The following RBFOX1 variants were observed in gnomAD, a reference collection of about 807,000 sequenced individuals.
The protein encoded by RBFOX1 is RNA binding fox-1 homolog 1, also known as RNA binding protein fox-1 homolog 1.
Under a neutral mutation model 57.7 loss-of-function variants are expected in RBFOX1, and 8 were observed. That is an observed-to-expected ratio of 0.14 (90% CI 0.08 to 0.25). RBFOX1 has a LOEUF of 0.25. Among genes scored for constraint, RBFOX1 ranks in the 10% least tolerant of loss-of-function variants. The pLI is 1.00. For missense variants in RBFOX1, 611 were observed against 548.5 expected (o/e 1.11, Z -1.14); for synonymous variants, 326 against 222.4 (o/e 1.47, Z -4.15).
chr16:7,440,716 G>A (rs1487859218), intron 4 of RBFOX1, among the ~76,000 whole-genome samples: 3 of 152,152 alleles, frequency 2.0e-5, no homozygotes, highest in South Asian at 4.2e-4. Context: ...TCTGTTTAGG[G>A]CTGGGGAGGA....
intron 4 of RBFOX1, among the ~76,000 whole-genome samples, chr16:7,243,417 G>C (rs1353111109): frequency 6.6e-6 from 1 of 152,194 alleles, no homozygotes; most frequent in Admixed American, 6.5e-5. Flanking sequence ...AGATGTGGAA[G>C]AAAGGCATAT....
At chr16:5,630,768 C>T (rs1373328351) in intron 3 of RBFOX1, among the ~76,000 whole-genome samples, 1 of 152,070 alleles carries the variant, frequency 6.6e-6, no homozygotes, top group Non-Finnish European at 1.5e-5. Flanking sequence ...CTAACTCTCG[C>T]CTTGGACTTC....
chr16:7,136,528 G>T (rs904436578), intron 4 of RBFOX1, among the ~76,000 whole-genome samples: 13 of 150,130 alleles, frequency 8.7e-5, no homozygotes, highest in Non-Finnish European at 1.9e-4. Context: ...AACCTCATCC[G>T]CTCGAGTAGC....
At chr16:5,375,220 A>G (rs898091031) in intron 1 of RBFOX1, among the ~76,000 whole-genome samples, 1 of 151,406 alleles carries the variant, frequency 6.6e-6, no homozygotes, top group Non-Finnish European at 1.5e-5. Context: ...ACTCTTGGAG[A>G]GGGGAAGATG....
At chr16:6,885,073 C>G (rs1444484924) in intron 3 of RBFOX1, among the ~76,000 whole-genome samples, 2 of 152,184 alleles carry the variant, frequency 1.3e-5, no homozygotes, top group Admixed American at 1.3e-4. Flanking sequence ...CCTGCAGAAA[C>G]TGATACAGAG....
At chr16:7,302,688 T>G (rs2096062724) in intron 4 of RBFOX1, among the ~76,000 whole-genome samples, 1 of 147,058 alleles carries the variant, frequency 6.8e-6, no homozygotes, top group Non-Finnish European at 1.5e-5. Context: ...ATTAAAAAAA[T>G]ATGGCTACTC....
At chr16:7,350,655 T>C (rs1373386391) in intron 4 of RBFOX1, among the ~76,000 whole-genome samples, 1 of 152,186 alleles carries the variant, frequency 6.6e-6, no homozygotes, top group Non-Finnish European at 1.5e-5. Context: ...ACCAGTACCA[T>C]GTTATCCACG....
At chr16:5,761,776 AGAAT>A (rs1567506694) in intron 3 of RBFOX1, among the ~76,000 whole-genome samples, 2 of 152,178 alleles carry the variant, frequency 1.3e-5, no homozygotes, top group African/African-American at 4.8e-5. Flanking sequence ...AAATGGGTAA[AGAAT>A]AAGCTGAGAT....
Position 6,361,628 on chromosome 16 carries a change from T to TTAAAAAAAAAAAA in RBFOX1, c.-64+44571_-64+44572insTAAAAAAAAAAAA, listed in dbSNP as rs1371587081. ...GGGTGACACATTGAGACTCTGTCTC[T>TTAAAAAAAAAAAA]AAAAAAAAAAAAAAAAATCATGGTC... On this transcript the variant is annotated intron_variant, in intron 2 of 15. Coordinates refer to ENST00000550418, the MANE Select transcript of RBFOX1 (RefSeq NM_018723.4). Among the ~76,000 whole-genome samples, 6 of 127,952 alleles carry TTAAAAAAAAAAAA rather than the reference T, an allele frequency of 4.7e-5. 1 individual carries two copies. The highest frequency in any genetic ancestry group is 1.5e-4 in the African/African-American group (5 of 34,414). The allele number at this position is 127,952 out of a possible 152,430, so 83.9% of individuals were successfully genotyped here.
Position 6,019,057 on chromosome 16 carries a change from G to A in RBFOX1, c.-1062G>A, listed in dbSNP as rs1033076784. 36 of 974,454 alleles carry A rather than the reference G, an allele frequency of 3.7e-5. No individual in the cohort carries two copies. The highest frequency in any genetic ancestry group is 6.2e-5 in the Admixed American group (1 of 16,148). 60.4% of individuals were successfully genotyped at this position (974,454 alleles called of 1,614,324 possible). On this transcript the variant is annotated 5_prime_UTR_variant, in exon 1 of 16. Coordinates refer to ENST00000550418, the MANE Select transcript of RBFOX1 (RefSeq NM_018723.4). The surrounding 1 kb of genome is among the most constrained non-coding windows in gnomAD (Gnocchi z 4.2). ...TTTGGCTCCGCAGCCGGGGCTGCTC[G>A]CTGCTTGTCGCGCGCTCACACACAC...
At chr16:7,120,512 G>A (rs1276656160) in intron 4 of RBFOX1, among the ~76,000 whole-genome samples, 11 of 151,822 alleles carry the variant, frequency 7.2e-5, no homozygotes, top group Non-Finnish European at 1.6e-4. Flanking sequence ...AATAATCTAT[G>A]CACATGTAGT....
chr16:6,655,373 C>CAA (rs71406388), intron 3 of RBFOX1, among the ~76,000 whole-genome samples: 452 of 33,718 alleles, frequency 0.013, 54 homozygotes, highest in Non-Finnish European at 0.018. Context: ...GCCTCCGTTT[C>CAA]AAAAAAAAAA....
At chr16:7,047,716 C>CTTTTTTTTTTTTTTTTTTTTTT (rs55636828) in intron 3 of RBFOX1, among the ~76,000 whole-genome samples, 4 of 47,938 alleles carry the variant, frequency 8.3e-5, no homozygotes, top group Non-Finnish European at 1.4e-4. Context: ...TCCTGCATTT[C>CTTTTTTTTTTTTTTTTTTTTTT]TTTTTTTTTT....
chr16:5,705,061 A>G (rs1472822488), intron 3 of RBFOX1, among the ~76,000 whole-genome samples: 1 of 152,152 alleles, frequency 6.6e-6, no homozygotes, highest in Non-Finnish European at 1.5e-5. Context: ...GCAAAATCAA[A>G]TATGTAACCA....
chr16:6,118,288 T>A (rs2096519218), intron 1 of RBFOX1, among the ~76,000 whole-genome samples: 1 of 152,174 alleles, frequency 6.6e-6, no homozygotes, highest in South Asian at 2.1e-4. Context: ...TCACCTTATG[T>A]CTCAGTCCAC....
intron 4 of RBFOX1, among the ~76,000 whole-genome samples, chr16:7,112,735 T>C (rs2065071579): frequency 1.4e-5 from 2 of 147,746 alleles, no homozygotes. Flanking sequence ...TGAAAAGCTC[T>C]TGTGACCTTG....
At chr16:6,618,510 C>G (rs1464011006) in intron 2 of RBFOX1, among the ~76,000 whole-genome samples, 2 of 152,114 alleles carry the variant, frequency 1.3e-5, no homozygotes, top group East Asian at 1.9e-4. Flanking sequence ...TACCACTAGG[C>G]GTTTAATGTG....
chr16:6,550,537 G>C (rs988000283), intron 2 of RBFOX1, among the ~76,000 whole-genome samples: 8 of 152,020 alleles, frequency 5.3e-5, no homozygotes, highest in Non-Finnish European at 4.4e-5. Flanking sequence ...TGTTGACCAA[G>C]CTGGTGTTGG....
At chr16:6,887,732 G>A (rs888596129) in intron 3 of RBFOX1, among the ~76,000 whole-genome samples, 13 of 151,134 alleles carry the variant, frequency 8.6e-5, no homozygotes, top group Admixed American at 3.3e-4. Flanking sequence ...GTGCAATCTT[G>A]GCTTACTGCA....
Sources: gnomAD v4.1 joint callset for allele counts (sites outside exome capture counted in the v4.1 genomes callset) on GRCh38, gnomAD v4.1.1 for gene constraint, Gnocchi (gnomAD v3.1) non-coding constraint, MANE v1.5 for transcripts, NCBI Gene and HGNC (gene_info 2026-07-23, HGNC 2026-07-21) for gene names.